Variants in SYN2 observed in about 807,000 individuals in gnomAD.
The protein encoded by SYN2 is synapsin II, also known as synapsin-2.
Under a neutral mutation model 50.9 loss-of-function variants are expected in SYN2, and 19 were observed. The observed-to-expected ratio is 0.37, with a 90% CI of 0.26 to 0.55. The LOEUF is 0.55. SYN2 is among the 20% of genes least tolerant of loss of function. The probability of loss-of-function intolerance (pLI) is 0.81; values close to 1 mark genes in which losing one functional copy is unlikely to be tolerated. For synonymous variants in SYN2, 255 were observed against 224.9 expected, an observed-to-expected ratio of 1.13 and a Z score of -1.20; for missense variants, 587 against 576.4, an observed-to-expected ratio of 1.02 and a Z score of -0.19.
In SYN2 at chr3:12,077,320, A is replaced by G. The variant is rs545400514; in HGVS notation, c.378-63331A>G. On this transcript the variant is annotated intron_variant, in intron 1 of 12. Coordinates refer to ENST00000621198, the MANE Select transcript of SYN2 (RefSeq NM_133625.6). ...TTTCCTTTTTTTTTAAAAAAAAATT[A>G]TTTTTCTTTTAAGTTCCAGGGCACA... Among the ~76,000 whole-genome samples, 7 of 151,866 alleles carry G rather than the reference A, an allele frequency of 4.6e-5. No individual in the cohort carries two copies. In the East Asian group the frequency reaches 9.7e-4, roughly 21 times the overall value.
chr3:12,051,638 T>C (rs146082330), intron 1 of SYN2, among the ~76,000 whole-genome samples: 106 of 152,346 alleles, frequency 7.0e-4, no homozygotes, highest in African/African-American at 2.5e-3. Context: ...TCTCTAAACT[T>C]CAAGTAGATC....
At chr3:12,037,437 A>G (rs1038106517) in intron 1 of SYN2, among the ~76,000 whole-genome samples, 1 of 152,256 alleles carries the variant, frequency 6.6e-6, no homozygotes, top group African/African-American at 2.4e-5. Flanking sequence ...GATAATAGAT[A>G]CAAACATTTA....
At chr3:12,037,372 C>T (rs971309436) in intron 1 of SYN2, among the ~76,000 whole-genome samples, 1 of 152,202 alleles carries the variant, frequency 6.6e-6, no homozygotes, top group Admixed American at 6.5e-5. Flanking sequence ...CACTTCTTTG[C>T]ACCAATTTTT....
chr3:12,189,988 A>G (rs1182210785), intron 12 of SYN2, among the ~76,000 whole-genome samples: 1 of 152,178 alleles, frequency 6.6e-6, no homozygotes, highest in Non-Finnish European at 1.5e-5. Context: ...GCTTGCCTCC[A>G]GTTAGGAGGG....
At chr3:12,132,546 C>T (rs1400472189) in intron 1 of SYN2, among the ~76,000 whole-genome samples, 1 of 152,190 alleles carries the variant, frequency 6.6e-6, no homozygotes, top group Admixed American at 6.5e-5. Flanking sequence ...TCCTCCTCCA[C>T]ACCCATGTGT....
At chr3:12,184,786 A>G in intron 11 of SYN2, 2 of 985,940 alleles carry the variant, frequency 2.0e-6, no homozygotes, top group South Asian at 4.7e-5. Flanking sequence ...TCAGTGCCTC[A>G]TCTTGCCATC....
At chr3:12,047,108 T>C (rs1394978813) in intron 1 of SYN2, among the ~76,000 whole-genome samples, 1 of 152,124 alleles carries the variant, frequency 6.6e-6, no homozygotes, top group Non-Finnish European at 1.5e-5. Context: ...AATGTTCCAA[T>C]TATGTGCCAT....
chr3:12,149,884 G>T (rs1052939183), intron 4 of SYN2, among the ~76,000 whole-genome samples: 3 of 152,112 alleles, frequency 2.0e-5, no homozygotes, highest in African/African-American at 7.2e-5. Flanking sequence ...ATAATAAAGA[G>T]ATATTCTTTA....
At chr3:12,180,748 C>T (rs933790442) in intron 10 of SYN2, among the ~76,000 whole-genome samples, 3 of 152,146 alleles carry the variant, frequency 2.0e-5, no homozygotes, top group East Asian at 3.9e-4. Flanking sequence ...GGACTGCCTC[C>T]GGGAGCTCTT....
intron 1 of SYN2, among the ~76,000 whole-genome samples, chr3:12,129,884 T>C (rs573218132): frequency 6.6e-6 from 1 of 152,026 alleles, no homozygotes; most frequent in African/African-American, 2.4e-5. Flanking sequence ...GGTGATTAGG[T>C]TGAGATGAGG....
intron 1 of SYN2, among the ~76,000 whole-genome samples, chr3:12,007,558 C>A (rs1410195588): frequency 2.6e-5 from 4 of 152,086 alleles, no homozygotes; most frequent in African/African-American, 4.8e-5. Flanking sequence ...GTTTAAGCTA[C>A]CTAGATAGTA....
intron 1 of SYN2, among the ~76,000 whole-genome samples, chr3:12,058,609 T>C (rs1695049841): frequency 6.6e-6 from 1 of 152,118 alleles, no homozygotes; most frequent in Non-Finnish European, 1.5e-5. Context: ...AGTGAATAAA[T>C]CAAGATAAAA....
chr3:12,140,174 C>G (rs1696981279), intron 1 of SYN2, among the ~76,000 whole-genome samples: 1 of 152,136 alleles, frequency 6.6e-6, no homozygotes, highest in Admixed American at 6.5e-5. Flanking sequence ...TTTTAAATTA[C>G]TAATTGCCTC....
chr3:12,127,135 T>C (rs1297750122), intron 1 of SYN2, among the ~76,000 whole-genome samples: 2 of 152,164 alleles, frequency 1.3e-5, no homozygotes, highest in African/African-American at 4.8e-5. Context: ...ACACTAGGGG[T>C]AAAAATGAAC....
In SYN2 at chr3:12,058,637, T is replaced by C. The variant is rs183532414; in HGVS notation, c.377+53709T>C. Among the ~76,000 whole-genome samples the C allele has an allele frequency of 1.7e-3, 259 of 152,170 alleles. 1 individual carries two copies. The highest frequency in any genetic ancestry group is 5.9e-3 in the African/African-American group (244 of 41,522). On this transcript the variant is annotated intron_variant, in intron 1 of 12. Coordinates refer to ENST00000621198, the MANE Select transcript of SYN2 (RefSeq NM_133625.6). ...AGATAAAATCACTGGGGAAGGGGAA[T>C]ATGAAAGCAGTGCTGGAACAGGGGG...
intron 1 of SYN2, among the ~76,000 whole-genome samples, chr3:12,092,421 G>T (rs546812497): frequency 1.3e-5 from 2 of 152,302 alleles, no homozygotes; most frequent in Admixed American, 1.3e-4. Flanking sequence ...CCTCTCATCT[G>T]TGAGAGAAAG....
chr3:12,161,963 T>A (rs1278231014), intron 6 of SYN2, 49 bp from the exon 7 acceptor site: 1 of 1,609,032 alleles, frequency 6.2e-7, no homozygotes, highest in Non-Finnish European at 8.5e-7. Flanking sequence ...TCTCAGTGTG[T>A]GTATGTGTGT....
At chr3:12,050,127 A>G (rs1334800400) in intron 1 of SYN2, among the ~76,000 whole-genome samples, 2 of 151,842 alleles carry the variant, frequency 1.3e-5, no homozygotes, top group Non-Finnish European at 2.9e-5. Context: ...TCTCGAACTC[A>G]TGACCTCAGG....
chr3:12,071,833 A>G (rs1348767052), intron 1 of SYN2: 2 of 162,916 alleles, frequency 1.2e-5, no homozygotes, highest in African/African-American at 4.8e-5. Flanking sequence ...AGTCCAAGCC[A>G]TAGGACCCAG....
Sources: gnomAD v4.1 joint callset for allele counts (sites outside exome capture counted in the v4.1 genomes callset) on GRCh38, gnomAD v4.1.1 for gene constraint, MANE v1.5 for transcripts, NCBI Gene and HGNC (gene_info 2026-07-23, HGNC 2026-07-21) for gene names.